The following FMNL2 variants were observed in gnomAD, a reference collection of about 807,000 sequenced individuals.
The protein encoded by FMNL2 is formin like 2.
A neutral mutation model predicts 130.2 loss-of-function variants in FMNL2; 51 were observed. The ratio of observed to expected loss-of-function variants is 0.39; its 90% CI spans 0.31 to 0.49. The LOEUF (loss-of-function observed/expected upper bound fraction) is 0.49. Ranked by LOEUF, FMNL2 falls within the 20% of genes least tolerant of loss-of-function variation. FMNL2 has a pLI of 0.85. For synonymous variants in FMNL2, 465 were observed against 467.1 expected (o/e 1.00, Z 0.06); for missense variants, 977 against 1,316.2 (o/e 0.74, Z 3.99).
intron 1 of FMNL2, among the ~76,000 whole-genome samples, chr2:152,358,905 A>G (rs780375762): frequency 3.3e-5 from 5 of 152,216 alleles, no homozygotes; most frequent in Non-Finnish European, 5.9e-5. Context: ...GGCATATTCA[A>G]CTTAAGTGAT....
intron 1 of FMNL2, among the ~76,000 whole-genome samples, chr2:152,483,847 A>G (rs1005279097): frequency 6.6e-6 from 1 of 152,222 alleles, no homozygotes. Flanking sequence ...CTTGAGAACC[A>G]GAGAAATGCA....
At chr2:152,388,533 G>A (rs1684917552) in intron 1 of FMNL2, among the ~76,000 whole-genome samples, 1 of 152,082 alleles carries the variant, frequency 6.6e-6, no homozygotes, top group East Asian at 1.9e-4. Flanking sequence ...ACCTTCCACC[G>A]AGTCCCTCCC....
At chr2:152,369,801 TTTC>T (rs1465136958) in intron 1 of FMNL2, among the ~76,000 whole-genome samples, 1 of 152,222 alleles carries the variant, frequency 6.6e-6, no homozygotes, top group Admixed American at 6.5e-5. Context: ...GCCATTGACT[TTTC>T]TTCTTTCTTT....
intron 1 of FMNL2, among the ~76,000 whole-genome samples, chr2:152,456,031 T>C (rs186446852): frequency 5.3e-4 from 80 of 152,336 alleles, no homozygotes; most frequent in African/African-American, 1.9e-3. Context: ...TTTTTCTTCA[T>C]TGGATGATGC....
At chr2:152,647,449 G>A (rs978453142) in intron 25 of FMNL2, among the ~76,000 whole-genome samples, 2 of 152,112 alleles carry the variant, frequency 1.3e-5, no homozygotes, top group Non-Finnish European at 2.9e-5. Flanking sequence ...ATTCATTCAG[G>A]CTTCCAGAAT....
rs186637069 is a variant in FMNL2, at chr2:152,471,495, A to G, written c.118-50448A>G. 2.6e-3 allele frequency among the ~76,000 whole-genome samples: 403 copies of G among 152,282 alleles called. 2 individuals carry two copies. The highest frequency in any genetic ancestry group is 9.5e-3 in the African/African-American group (395 of 41,550). On this transcript the variant is annotated intron_variant, in intron 1 of 25. Transcript: ENST00000288670. ...TAGCACTTGACTGCAGGGTGCCTTA[A>G]AAAAGCAAGGGACCAAAAATAAGCA...
chr2:152,442,313 G>A (rs13033209), intron 1 of FMNL2, among the ~76,000 whole-genome samples: 2,097 of 150,910 alleles, frequency 0.014, 38 homozygotes, highest in East Asian at 0.066. Flanking sequence ...GTGCAATGGC[G>A]CGATCTTGGC....
chr2:152,561,379 A>T (rs538653600), intron 6 of FMNL2, among the ~76,000 whole-genome samples: 42 of 152,246 alleles, frequency 2.8e-4, no homozygotes, highest in African/African-American at 9.9e-4. Flanking sequence ...GGGTAGAGGC[A>T]GCACTTAGAG....
intron 1 of FMNL2, among the ~76,000 whole-genome samples, chr2:152,449,439 C>T (rs1688517458): frequency 6.6e-6 from 1 of 152,106 alleles, no homozygotes; most frequent in African/African-American, 2.4e-5. Flanking sequence ...TTTTTCCTGA[C>T]CTCTCCCCTT....
At chr2:152,370,353 A>T (rs1487646998) in intron 1 of FMNL2, among the ~76,000 whole-genome samples, 2 of 151,868 alleles carry the variant, frequency 1.3e-5, no homozygotes, top group Non-Finnish European at 2.9e-5. Context: ...ATTCATGAAG[A>T]CTCTGCTGTC....
At chr2:152,435,927 C>T (rs537726771) in intron 1 of FMNL2, among the ~76,000 whole-genome samples, 2 of 152,268 alleles carry the variant, frequency 1.3e-5, no homozygotes, top group African/African-American at 4.8e-5. Flanking sequence ...CTACCTTGAC[C>T]CAGCCTGGAC....
chr2:152,593,793 A>G (rs966375085), intron 9 of FMNL2, among the ~76,000 whole-genome samples: 3 of 149,388 alleles, frequency 2.0e-5, no homozygotes, highest in South Asian at 4.4e-4. Context: ...TAGCTGTGCA[A>G]TGAAGGTAAT....
intron 1 of FMNL2, among the ~76,000 whole-genome samples, chr2:152,348,777 GT>G (rs1395595377): frequency 7.2e-6 from 1 of 139,154 alleles, no homozygotes; most frequent in Non-Finnish European, 1.5e-5. Flanking sequence ...GTGCTTTGCT[GT>G]TTGCAGAGTG....
chr2:152,370,932 C>T (rs1251753100), intron 1 of FMNL2, among the ~76,000 whole-genome samples: 3 of 152,116 alleles, frequency 2.0e-5, no homozygotes, highest in African/African-American at 4.8e-5. Flanking sequence ...CTTGACCGGG[C>T]CACGGGGATT....
At chr2:152,614,057 G>A (rs548817232) in intron 11 of FMNL2, among the ~76,000 whole-genome samples, 1 of 152,238 alleles carries the variant, frequency 6.6e-6, no homozygotes, top group African/African-American at 2.4e-5. Flanking sequence ...TAATCCCCAA[G>A]GCTAAGTATA....
chr2:152,432,370 A>C (rs536566918), intron 1 of FMNL2, among the ~76,000 whole-genome samples: 4 of 152,320 alleles, frequency 2.6e-5, no homozygotes, highest in African/African-American at 9.6e-5. Flanking sequence ...AAGCATTGTG[A>C]AAGAATCATG....
intron 3 of FMNL2, among the ~76,000 whole-genome samples, chr2:152,547,877 C>T (rs934750): frequency 0.15 from 22,720 of 152,130 alleles, 1,778 homozygotes; most frequent in East Asian, 0.22. Context: ...GCTTAGGAGG[C>T]GCTGACATCA....
intron 15 of FMNL2, 119 bp from the exon 16 acceptor site, chr2:152,625,319 G>T (rs754374207): frequency 1.7e-6 from 2 of 1,210,818 alleles, no homozygotes; most frequent in African/African-American, 3.0e-5. Context: ...CTACTTGCGC[G>T]CCTCTTGCCA....
intron 1 of FMNL2, among the ~76,000 whole-genome samples, chr2:152,519,884 T>C (rs1373042322): frequency 2.0e-5 from 3 of 152,202 alleles, no homozygotes; most frequent in Non-Finnish European, 4.4e-5. Flanking sequence ...ACTCATTTAA[T>C]TTATAATCTT....
Sources: allele counts gnomAD v4.1 joint callset (sites outside exome capture counted in the v4.1 genomes callset), GRCh38; gene constraint gnomAD v4.1.1; transcripts MANE v1.5; gene names NCBI Gene and HGNC (gene_info 2026-07-23, HGNC 2026-07-21).